Variants in TEX11 observed in about 807,000 individuals in gnomAD.
TEX11 encodes testis-expressed protein 11.
Under a neutral mutation model 84.4 loss-of-function variants are expected in TEX11, and 7 were observed. The observed-to-expected ratio is 0.08, with a 90% confidence interval of 0.05 to 0.16. The LOEUF (loss-of-function observed/expected upper bound fraction) is 0.16, where lower values mean the gene tolerates loss of function less well. Among genes scored for constraint, TEX11 ranks in the 10% least tolerant of loss-of-function variants. TEX11 has a pLI of 1.00. For synonymous variants in TEX11, 264 were observed against 222.8 expected (o/e 1.18, Z -1.64); for missense variants, 551 against 660.5 (o/e 0.83, Z 1.82).
At chrX:70,897,527 T>C (rs1037576205) in intron 2 of TEX11, 8 of 102,675 alleles carry the variant, frequency 7.8e-5, no homozygotes, top group African/African-American at 2.5e-4. Context: ...GAGGCGGAGG[T>C]TGCAGTGAGC....
At chrX:70,522,322 G>T in the TEX11 span, among the ~76,000 whole-genome samples, 2 of 111,741 alleles carry the variant, frequency 1.8e-5, no homozygotes, top group African/African-American at 6.5e-5. Flanking sequence ...TACTTCACAG[G>T]GTTGTTATCT....
At chrX:70,841,979 G>C (rs1360759016) in intron 7 of TEX11, among the ~76,000 whole-genome samples, 1 of 111,548 alleles carries the variant, frequency 9.0e-6, no homozygotes, top group Admixed American at 9.5e-5. Context: ...TGAAATTGTG[G>C]CAATAATCAA....
chrX:70,582,722 A>ATTTG (rs2147482612), intron 25 of TEX11, among the ~76,000 whole-genome samples: 1 of 12,354 alleles, frequency 8.1e-5, no homozygotes, highest in Non-Finnish European at 2.4e-4. Context: ...TCCTATGTAC[A>ATTTG]TTTATTTATT....
intron 25 of TEX11, among the ~76,000 whole-genome samples, chrX:70,572,298 G>A (rs1244807826): frequency 2.7e-5 from 3 of 111,721 alleles, no homozygotes; most frequent in East Asian, 5.6e-4. Flanking sequence ...AAACCACAAT[G>A]AGATACCATC....
intron 9 of TEX11, among the ~76,000 whole-genome samples, chrX:70,750,016 C>G (rs2090802322): frequency 9.0e-6 from 1 of 110,643 alleles, no homozygotes; most frequent in African/African-American, 3.3e-5. Context: ...TTTTCGCAAC[C>G]TACTCATATG....
chrX:70,752,691 C>T (rs1211022438), intron 9 of TEX11, among the ~76,000 whole-genome samples: 1 of 110,124 alleles, frequency 9.1e-6, no homozygotes, highest in South Asian at 3.9e-4. Flanking sequence ...CCTCCTGCTG[C>T]AAAGACACCA....
chrX:70,559,534 A>T (rs1252889561), intron 25 of TEX11, among the ~76,000 whole-genome samples: 2 of 112,075 alleles, frequency 1.8e-5, no homozygotes, highest in Non-Finnish European at 3.8e-5. Context: ...TGAATTGTAC[A>T]CTTTGATGGG....
intron 9 of TEX11, among the ~76,000 whole-genome samples, chrX:70,751,578 A>G (rs904430002): frequency 9.1e-6 from 1 of 109,701 alleles, no homozygotes; most frequent in Non-Finnish European, 1.9e-5. Flanking sequence ...GCACATGTAT[A>G]CATATGTAAC....
chrX:70,718,586 T>C (rs1363851873), intron 13 of TEX11, among the ~76,000 whole-genome samples: 2 of 112,325 alleles, frequency 1.8e-5, no homozygotes, highest in Admixed American at 9.4e-5. Context: ...GGATTTTCCC[T>C]TGGATGACAT....
intron 8 of TEX11, among the ~76,000 whole-genome samples, chrX:70,819,614 C>A (rs1379174538): frequency 9.0e-6 from 1 of 110,837 alleles, no homozygotes; most frequent in Non-Finnish European, 1.9e-5. Context: ...GAAAAAAGCA[C>A]CCAAATGAGA....
At chrX:70,872,289 C>G (rs966220353) in intron 4 of TEX11, among the ~76,000 whole-genome samples, 2 of 112,340 alleles carry the variant, frequency 1.8e-5, no homozygotes, top group South Asian at 7.4e-4. Flanking sequence ...GAACTGTTCT[C>G]TAAACATGCT....
At chrX:70,902,062 C>T (rs2091806367) in intron 2 of TEX11, among the ~76,000 whole-genome samples, 1 of 111,930 alleles carries the variant, frequency 8.9e-6, no homozygotes, top group Non-Finnish European at 1.9e-5. Context: ...CCAACCTGGG[C>T]AACATAGGGA....
At chrX:70,572,310 C>T (rs1308324638) in intron 25 of TEX11, among the ~76,000 whole-genome samples, 1 of 111,789 alleles carries the variant, frequency 8.9e-6, no homozygotes, top group Non-Finnish European at 1.9e-5. Flanking sequence ...GATACCATCT[C>T]ACACCAGTTA....
chrX:70,571,618 C>A (rs1464218298), intron 25 of TEX11, among the ~76,000 whole-genome samples: 12 of 111,387 alleles, frequency 1.1e-4, no homozygotes, highest in Non-Finnish European at 1.7e-4. Flanking sequence ...AGAAATGTTT[C>A]TTTTAGATTT....
Position 70,744,188 on chromosome X carries a change from T to C in TEX11, c.724A>G (p.Lys242Glu). The change falls in exon 10 of 30, where the codon AAA becomes GAA. Residue 242 changes from lysine to glutamate, a missense_variant. Transcript: ENST00000374333. ...QSYDIGKMDK[K>E]STGPEMLAKV... Reference sequence around the variant, plus strand: ...ACCAGCATTTCTGGCCCAGTAGATTTCTTATCCATCTTCCCAATATCATAG... The same window carrying C: ...ACCAGCATTTCTGGCCCAGTAGATTCCTTATCCATCTTCCCAATATCATAG... The C allele has an allele frequency of 9.6e-7, 1 of 1,042,893 alleles. No individual in the cohort carries two copies. The allele number at this position is 1,042,893 out of a possible 1,213,427, so 85.9% of individuals were successfully genotyped here. A position where few individuals can be genotyped will look rare whatever the true frequency, so the allele number is the denominator to read the frequency against.
chrX:70,583,839 G>T (rs2088813083), intron 25 of TEX11, among the ~76,000 whole-genome samples: 2 of 111,613 alleles, frequency 1.8e-5, no homozygotes, highest in Non-Finnish European at 3.8e-5. Context: ...ATTTCTCAAA[G>T]AACTAAAAAC....
intron 13 of TEX11, among the ~76,000 whole-genome samples, chrX:70,692,325 T>G (rs1211864552): frequency 9.0e-6 from 1 of 111,344 alleles, no homozygotes; most frequent in Non-Finnish European, 1.9e-5. Context: ...CAATTTTGAG[T>G]GCACAATACT....
chrX:70,686,535 GGGAGGT>G (rs1471224310), intron 13 of TEX11, among the ~76,000 whole-genome samples: 3 of 110,444 alleles, frequency 2.7e-5, no homozygotes, highest in Non-Finnish European at 3.8e-5. Context: ...GGAGCCTGTC[GGGAGGT>G]GAGGGTGAGG....
At chrX:70,701,499 TG>T (rs2147683327) in intron 13 of TEX11, among the ~76,000 whole-genome samples, 1 of 112,190 alleles carries the variant, frequency 8.9e-6, no homozygotes, top group Admixed American at 9.5e-5. Flanking sequence ...TACTGCTCGT[TG>T]ACAATGCATC....
Sources: allele counts gnomAD v4.1 joint callset (sites outside exome capture counted in the v4.1 genomes callset), GRCh38; gene constraint gnomAD v4.1.1; transcripts MANE v1.5; gene names NCBI Gene and HGNC (gene_info 2026-07-23, HGNC 2026-07-21).